Variants in IMMP2L observed in about 807,000 individuals in gnomAD.
IMMP2L encodes inner mitochondrial membrane peptidase subunit 2, also known as mitochondrial inner membrane protease subunit 2.
IMMP2L carries 18 observed loss-of-function variants against 19.3 expected under a neutral mutation model. The observed-to-expected ratio is 0.93, with a 90% CI of 0.64 to 1.38. IMMP2L has a LOEUF of 1.38. Among genes scored for constraint, IMMP2L ranks in the 40% most tolerant of loss-of-function variants. The pLI is 0.00. For missense variants in IMMP2L, 233 were observed against 218.2 expected (o/e 1.07, Z -0.43); for synonymous variants, 76 against 73.0 (o/e 1.04, Z -0.21).
chr7:111,284,785 C>T (rs1333040752), intron 3 of IMMP2L, among the ~76,000 whole-genome samples: 1 of 152,124 alleles, frequency 6.6e-6, no homozygotes, highest in African/African-American at 2.4e-5. Context: ...AATGAAAGTT[C>T]AAGGGGTTTT....
rs572963939 is a variant in IMMP2L, at chr7:111,197,455, T to G, written c.240-233890A>C. 1.3e-4 allele frequency among the ~76,000 whole-genome samples: 20 copies of G among 152,122 alleles called. No homozygotes were observed. In the South Asian group the frequency reaches 2.3e-3, roughly 17 times the overall value. On this transcript the variant is annotated intron_variant, in intron 3 of 5. Transcript: ENST00000405709. ...TCCAGCCTGGGCAACAGAGCGAGAC[T>G]CCATCTCAAAACAAACAGAAGAGAA... is the stretch of plus-strand genomic sequence containing the variant.
intron 5 of IMMP2L, among the ~76,000 whole-genome samples, chr7:110,771,039 A>T (rs1798998833): frequency 1.3e-5 from 2 of 152,158 alleles, no homozygotes; most frequent in South Asian, 4.1e-4. Flanking sequence ...GGGGACTGAA[A>T]TGTTGACAGG....
At chr7:110,699,778 AAT>A (rs1794138667) in intron 5 of IMMP2L, among the ~76,000 whole-genome samples, 2 of 151,510 alleles carry the variant, frequency 1.3e-5, no homozygotes, top group South Asian at 4.2e-4. Flanking sequence ...AAAAAAAAAA[AAT>A]AAGGTGAAAG....
intron 3 of IMMP2L, among the ~76,000 whole-genome samples, chr7:111,077,835 C>G (rs10277196): frequency 0.027 from 4,081 of 152,286 alleles, 181 homozygotes; most frequent in African/African-American, 0.091. Context: ...TTGTTCATTA[C>G]TCATGCACAC....
At chr7:111,104,026 T>C (rs1242043005) in intron 3 of IMMP2L, among the ~76,000 whole-genome samples, 2 of 151,670 alleles carry the variant, frequency 1.3e-5, no homozygotes, top group Non-Finnish European at 3.0e-5. Flanking sequence ...GGTACTCCTG[T>C]AATATGTGTG....
At chr7:110,807,061 T>C (rs1801683209) in intron 5 of IMMP2L, among the ~76,000 whole-genome samples, 1 of 152,002 alleles carries the variant, frequency 6.6e-6, no homozygotes, top group African/African-American at 2.4e-5. Context: ...CCCATCTCTG[T>C]ATCAATTCTT....
chr7:110,732,816 G>T (rs1480190198), intron 5 of IMMP2L, among the ~76,000 whole-genome samples: 1 of 150,974 alleles, frequency 6.6e-6, no homozygotes, highest in South Asian at 2.1e-4. Context: ...TTGAGATAGG[G>T]TCTCTGTCAC....
chr7:111,308,663 G>GA (rs545772516), intron 3 of IMMP2L, among the ~76,000 whole-genome samples: 1 of 150,976 alleles, frequency 6.6e-6, no homozygotes, highest in African/African-American at 2.4e-5. Context: ...GAACAAATGA[G>GA]AAAAAAAAGT....
chr7:111,050,824 G>A (rs551116244), intron 3 of IMMP2L, among the ~76,000 whole-genome samples: 1 of 152,220 alleles, frequency 6.6e-6, no homozygotes, highest in South Asian at 2.1e-4. Context: ...GTATCCATGC[G>A]CCTTGGAAAA....
At chr7:111,047,974 T>C (rs1262795940) in intron 3 of IMMP2L, among the ~76,000 whole-genome samples, 1 of 152,056 alleles carries the variant, frequency 6.6e-6, no homozygotes, top group Non-Finnish European at 1.5e-5. Context: ...GTGTGGTGGC[T>C]CACGCTTGTA....
intron 3 of IMMP2L, among the ~76,000 whole-genome samples, chr7:111,208,928 C>T (rs1811008342): frequency 6.6e-6 from 1 of 152,060 alleles, no homozygotes; most frequent in Non-Finnish European, 1.5e-5. Flanking sequence ...ATCTAATTAT[C>T]CTTTGAGGTA....
chr7:111,547,722 AT>A (rs58711480), intron 1 of IMMP2L, among the ~76,000 whole-genome samples: 103,962 of 138,144 alleles, frequency 0.75, 40,172 homozygotes, highest in East Asian at 0.95. Context: ...CACCAGTCTA[AT>A]TTTTTTTTTT....
intron 4 of IMMP2L, among the ~76,000 whole-genome samples, chr7:110,921,529 T>A (rs74882640): frequency 0.01 from 1,563 of 152,338 alleles, 11 homozygotes; most frequent in Non-Finnish European, 0.014. Context: ...CAAGATGCTT[T>A]ATTCAAATTA....
At chr7:111,527,529 C>G (rs1033265931) in intron 1 of IMMP2L, among the ~76,000 whole-genome samples, 2 of 151,590 alleles carry the variant, frequency 1.3e-5, no homozygotes, top group Non-Finnish European at 2.9e-5. Context: ...TTGGCAGATA[C>G]TAAAACAAAC....
chr7:110,852,748 T>C (rs778905580), intron 5 of IMMP2L, among the ~76,000 whole-genome samples: 10 of 152,040 alleles, frequency 6.6e-5, no homozygotes, highest in Admixed American at 2.0e-4. Flanking sequence ...GAAATATTCA[T>C]GGAGAATTGT....
chr7:110,778,646 C>A lies in IMMP2L; in HGVS notation c.408+107947G>T, dbSNP rs545094200. Among the ~76,000 whole-genome samples, 3 of 152,018 alleles carry A rather than the reference C, an allele frequency of 2.0e-5. No homozygotes were observed. In the East Asian group the frequency reaches 5.8e-4, roughly 30 times the overall value. Reference sequence around the variant, plus strand: ...TACAATAATTACTTGGACAAGAGAACCTTACTGAGAAGAATAAGGATGGAA... The same window carrying A: ...TACAATAATTACTTGGACAAGAGAAACTTACTGAGAAGAATAAGGATGGAA... On this transcript the variant is annotated intron_variant, in intron 5 of 5. Coordinates refer to ENST00000405709, the MANE Select transcript of IMMP2L (RefSeq NM_032549.4).
intron 2 of IMMP2L, among the ~76,000 whole-genome samples, chr7:111,501,992 T>G (rs1310489731): frequency 6.6e-6 from 1 of 152,094 alleles, no homozygotes; most frequent in African/African-American, 2.4e-5. Context: ...TAAATGTAAA[T>G]GGGCTAAATG....
intron 3 of IMMP2L, among the ~76,000 whole-genome samples, chr7:111,347,397 G>C (rs548103182): frequency 1.3e-5 from 2 of 152,028 alleles, no homozygotes; most frequent in East Asian, 3.9e-4. Context: ...AGGTAAAAAC[G>C]ATTAAGAAGT....
chr7:111,092,279 G>A (rs1395988090), intron 3 of IMMP2L, among the ~76,000 whole-genome samples: 2 of 152,198 alleles, frequency 1.3e-5, no homozygotes, highest in Admixed American at 1.3e-4. Flanking sequence ...CTAATCTTTG[G>A]TAATTAACAG....
Sources: allele counts gnomAD v4.1 joint callset (sites outside exome capture counted in the v4.1 genomes callset), GRCh38; gene constraint gnomAD v4.1.1; transcripts MANE v1.5; gene names NCBI Gene and HGNC (gene_info 2026-07-23, HGNC 2026-07-21).